CTNNA2: variants seen among roughly 807,000 people sequenced by gnomAD.
CTNNA2 encodes catenin alpha-2.
CTNNA2 carries 42 observed loss-of-function variants against 101.0 expected under a neutral mutation model. The ratio of observed to expected loss-of-function variants is 0.42; its 90% CI spans 0.32 to 0.54. The LOEUF is 0.54. Ranked by LOEUF, CTNNA2 falls within the 20% of genes least tolerant of loss-of-function variation. The pLI, the probability that CTNNA2 is intolerant of heterozygous loss-of-function variation, is 0.14. For missense variants in CTNNA2, 871 were observed against 1,223.1 expected, an observed-to-expected ratio of 0.71 and a Z score of 4.29; for synonymous variants, 450 against 456.4, an observed-to-expected ratio of 0.99 and a Z score of 0.18.
At chr2:79,227,526 G>C (rs1458735106) in intron 2 of CTNNA2, among the ~76,000 whole-genome samples, 1 of 152,072 alleles carries the variant, frequency 6.6e-6, no homozygotes, top group Non-Finnish European at 1.5e-5. Context: ...ATACCTCAGA[G>C]ATACTGCAAG....
chr2:80,467,774 T>C (rs779330866), intron 9 of CTNNA2, among the ~76,000 whole-genome samples: 2 of 152,146 alleles, frequency 1.3e-5, no homozygotes, highest in Non-Finnish European at 2.9e-5. Flanking sequence ...ATGAATGGGA[T>C]TAGTATCCTT....
intron 9 of CTNNA2, among the ~76,000 whole-genome samples, chr2:80,446,163 C>T (rs908002810): frequency 2.6e-5 from 4 of 152,182 alleles, no homozygotes; most frequent in Non-Finnish European, 4.4e-5. Flanking sequence ...GTTAAGAATT[C>T]TTAATGCACT....
At chr2:80,050,946 C>T (rs35179956) in intron 7 of CTNNA2, among the ~76,000 whole-genome samples, 21,052 of 152,100 alleles carry the variant, frequency 0.14, 1,824 homozygotes, top group South Asian at 0.29. Flanking sequence ...TGTTCTAGAA[C>T]TCTTGGGCTC....
At chr2:80,589,262 CCTTT>C (rs1471521932) in intron 14 of CTNNA2, 38 bp from the exon 15 acceptor site, 1 of 1,601,950 alleles carries the variant, frequency 6.2e-7, no homozygotes, top group Non-Finnish European at 8.5e-7. Context: ...GTCTGTACTT[CCTTT>C]GTCACCGTCA....
chr2:79,762,259 G>C (rs767375998), intron 3 of CTNNA2, among the ~76,000 whole-genome samples: 1 of 152,194 alleles, frequency 6.6e-6, no homozygotes, highest in Non-Finnish European at 1.5e-5. Flanking sequence ...CCCAGGCGTG[G>C]TTTGCCCCAG....
intron 7 of CTNNA2, among the ~76,000 whole-genome samples, chr2:80,117,117 G>C (rs1453502754): frequency 6.6e-6 from 1 of 152,078 alleles, no homozygotes; most frequent in Non-Finnish European, 1.5e-5. Flanking sequence ...ATACTCACAA[G>C]CTATTTAATT....
At chr2:80,241,587 A>ATGTCTATC (rs71386617) in intron 7 of CTNNA2, among the ~76,000 whole-genome samples, 2 of 148,298 alleles carry the variant, frequency 1.3e-5, no homozygotes. Context: ...TGCATCTATT[A>ATGTCTATC]TATCTATCTA....
intron 4 of CTNNA2, among the ~76,000 whole-genome samples, chr2:79,441,277 G>C (rs540353957): frequency 2.0e-5 from 3 of 152,110 alleles, no homozygotes; most frequent in Non-Finnish European, 2.9e-5. Flanking sequence ...TTCAGAAACT[G>C]TATCAAATTA....
At chr2:79,467,846 C>A (rs1051383896) in intron 4 of CTNNA2, among the ~76,000 whole-genome samples, 4 of 152,138 alleles carry the variant, frequency 2.6e-5, no homozygotes, top group Admixed American at 2.0e-4. Context: ...TTTGTCACTA[C>A]CAGGCTTGCC....
At position 79,491,126 on chromosome 2, in the gene CTNNA2, G is replaced by T. The variant is rs562552939; in HGVS notation, c.-134-13928G>T. 8.5e-5 allele frequency among the ~76,000 whole-genome samples: 13 copies of T among 152,256 alleles called. No homozygotes were observed. In the South Asian group the frequency reaches 2.7e-3, roughly 32 times the overall value. On this transcript the variant is annotated intron_variant, in intron 4 of 21. Transcript: ENST00000466387. ...ACTAGTTGATCTTTCAATAACATTT[G>T]TTGTCTGCCTACTCTGTACAGGTCT...
chr2:79,771,271 G>C (rs1045557917), intron 3 of CTNNA2, among the ~76,000 whole-genome samples: 1 of 152,162 alleles, frequency 6.6e-6, no homozygotes, highest in African/African-American at 2.4e-5. Flanking sequence ...GAGCAGAAAA[G>C]TATCATGTCC....
intron 1 of CTNNA2, among the ~76,000 whole-genome samples, chr2:79,584,282 A>T (rs559804573): frequency 4.6e-5 from 7 of 152,294 alleles, no homozygotes; most frequent in Admixed American, 3.9e-4. Flanking sequence ...AAAAGAGGTT[A>T]TACAGAAAAA....
At chr2:80,228,270 C>T (rs6760239) in intron 7 of CTNNA2, among the ~76,000 whole-genome samples, 59,317 of 152,022 alleles carry the variant, frequency 0.39, 13,148 homozygotes, top group Non-Finnish European at 0.51. Context: ...GGTTCAAAAT[C>T]AAGGGACCAG....
chr2:80,615,798 A>C lies in CTNNA2; in HGVS notation c.2431-3287A>C, dbSNP rs868847984. ...AGCCCTTAGAAAAGAAATATGTGCC[A>C]CTTTATGGCCCATGTATCTTACAAA... On this transcript the variant is annotated intron_variant, in intron 17 of 18. Coordinates refer to ENST00000402739, the MANE Select transcript of CTNNA2 (RefSeq NM_001282597.3). Among the ~76,000 whole-genome samples, 3 of 151,764 alleles carry C rather than the reference A, an allele frequency of 2.0e-5. No individual in the cohort carries two copies. The Middle Eastern group carries it at 0.01, about 516-fold the overall frequency.
intron 7 of CTNNA2, among the ~76,000 whole-genome samples, chr2:80,099,290 C>T (rs1700387376): frequency 6.6e-6 from 1 of 151,932 alleles, no homozygotes; most frequent in Non-Finnish European, 1.5e-5. Context: ...GTTTTCTGGA[C>T]CCCAGAAAAA....
At chr2:80,133,248 G>A (rs1034770633) in intron 7 of CTNNA2, among the ~76,000 whole-genome samples, 6 of 152,130 alleles carry the variant, frequency 3.9e-5, no homozygotes, top group African/African-American at 1.4e-4. Flanking sequence ...GCTGGAAGAG[G>A]CGAGGAAGGA....
At chr2:79,741,866 A>G (rs1165129759) in intron 2 of CTNNA2, among the ~76,000 whole-genome samples, 4 of 152,172 alleles carry the variant, frequency 2.6e-5, no homozygotes, top group Non-Finnish European at 5.9e-5. Flanking sequence ...TTGTCCTCCA[A>G]TAAAACACTG....
At chr2:80,184,411 T>C (rs1407669383) in intron 7 of CTNNA2, among the ~76,000 whole-genome samples, 1 of 152,188 alleles carries the variant, frequency 6.6e-6, no homozygotes, top group Non-Finnish European at 1.5e-5. Flanking sequence ...GGCATTCTCA[T>C]ATTGCTTCAC....
chr2:79,564,659 A>G (rs1213592679), intron 1 of CTNNA2, among the ~76,000 whole-genome samples: 1 of 152,214 alleles, frequency 6.6e-6, no homozygotes, highest in Admixed American at 6.5e-5. Flanking sequence ...TTTGTAGCAC[A>G]CATTAAAATT....
Sources: allele counts gnomAD v4.1 joint callset (sites outside exome capture counted in the v4.1 genomes callset), GRCh38; gene constraint gnomAD v4.1.1; transcripts MANE v1.5; gene names NCBI Gene and HGNC (gene_info 2026-07-23, HGNC 2026-07-21).